The following DGKI variants were observed in gnomAD, a reference collection of about 807,000 sequenced individuals.
DGKI encodes the protein DAG kinase iota.
DGKI carries 55 observed loss-of-function variants against 147.5 expected under a neutral mutation model. The ratio of observed to expected loss-of-function variants is 0.37; its 90% CI spans 0.30 to 0.47. The LOEUF (loss-of-function observed/expected upper bound fraction) is 0.47, where lower values mean the gene tolerates loss of function less well. DGKI is among the 20% of genes least tolerant of loss of function. The pLI is 1.00. For synonymous variants in DGKI, 469 were observed against 477.1 expected, an observed-to-expected ratio of 0.98 and a Z score of 0.22; for missense variants, 1,007 against 1,323.8, an observed-to-expected ratio of 0.76 and a Z score of 3.71.
At chr7:137,671,893 AC>A (rs1221177967) in intron 3 of DGKI, among the ~76,000 whole-genome samples, 5 of 152,242 alleles carry the variant, frequency 3.3e-5, no homozygotes, top group Admixed American at 2.0e-4. Flanking sequence ...AAATACAAGA[AC>A]AAAACAATAA....
chr7:137,541,993 C>A (rs1033992238), intron 20 of DGKI, among the ~76,000 whole-genome samples: 2 of 151,964 alleles, frequency 1.3e-5, no homozygotes, highest in Admixed American at 6.6e-5. Flanking sequence ...GTCTGCAAAG[C>A]ACACAAAGGC....
intron 8 of DGKI, among the ~76,000 whole-genome samples, chr7:137,614,828 T>C (rs919049788): frequency 3.9e-5 from 6 of 152,106 alleles, no homozygotes; most frequent in Non-Finnish European, 5.9e-5. Context: ...TAGATTTCCT[T>C]TACTCCTCCT....
intron 27 of DGKI, among the ~76,000 whole-genome samples, chr7:137,460,392 C>A (rs79078480): frequency 0.024 from 3,590 of 152,188 alleles, 57 homozygotes; most frequent in Non-Finnish European, 0.033. Context: ...TATTCTATAT[C>A]AAAAATTATT....
intron 8 of DGKI, among the ~76,000 whole-genome samples, chr7:137,615,949 C>T (rs1198364153): frequency 1.3e-5 from 2 of 152,144 alleles, no homozygotes; most frequent in Non-Finnish European, 2.9e-5. Context: ...CTCTTAACCA[C>T]TGCTGCATTG....
At chr7:137,692,423 A>G (rs1425022933) in intron 1 of DGKI, among the ~76,000 whole-genome samples, 3 of 152,232 alleles carry the variant, frequency 2.0e-5, no homozygotes, top group African/African-American at 7.2e-5. Context: ...TAATGAGAAA[A>G]ACACAGATCT....
At chr7:137,431,798 G>A (rs1813082662) in intron 28 of DGKI, among the ~76,000 whole-genome samples, 1 of 152,196 alleles carries the variant, frequency 6.6e-6, no homozygotes, top group African/African-American at 2.4e-5. Context: ...ACCCAGGCCT[G>A]ATGCAAGTGA....
chr7:137,718,222 C>G (rs1794440110), intron 1 of DGKI, among the ~76,000 whole-genome samples: 1 of 152,128 alleles, frequency 6.6e-6, no homozygotes, highest in Admixed American at 6.5e-5. Context: ...AAAAGCAAAC[C>G]CTAGGCAGTA....
intron 27 of DGKI, among the ~76,000 whole-genome samples, chr7:137,448,149 TTTGAGCC>T (rs1173086909): frequency 2.0e-5 from 3 of 152,178 alleles, no homozygotes; most frequent in Non-Finnish European, 4.4e-5. Flanking sequence ...AGCCTTCCAC[TTTGAGCC>T]AGGGTGTTCT....
At chr7:137,667,564 G>C (rs1179195999) in intron 3 of DGKI, among the ~76,000 whole-genome samples, 1 of 152,020 alleles carries the variant, frequency 6.6e-6, no homozygotes, top group African/African-American at 2.4e-5. Flanking sequence ...TCCATTATCA[G>C]TTTACTTTGT....
At chr7:137,825,070 T>G (rs1322204908) in intron 1 of DGKI, among the ~76,000 whole-genome samples, 1 of 152,234 alleles carries the variant, frequency 6.6e-6, no homozygotes, top group Non-Finnish European at 1.5e-5. Flanking sequence ...TCTGAGTATA[T>G]GCCCAGTAAT....
At chr7:137,831,742 A>C (rs911524714) in intron 1 of DGKI, among the ~76,000 whole-genome samples, 1 of 152,146 alleles carries the variant, frequency 6.6e-6, no homozygotes, top group Non-Finnish European at 1.5e-5. Context: ...AGTCCCTCCA[A>C]AGTCTGAACT....
At chr7:137,571,861 G>T (rs959023447) in intron 18 of DGKI, among the ~76,000 whole-genome samples, 4 of 152,010 alleles carry the variant, frequency 2.6e-5, no homozygotes, top group Non-Finnish European at 4.4e-5. Flanking sequence ...AAAGACAGAA[G>T]AAGGACAAGA....
chr7:137,608,831 A>G, intron 10 of DGKI, 135 bp downstream of exon 10: 1 of 690,956 alleles, frequency 1.4e-6, no homozygotes, highest in Non-Finnish European at 2.5e-6. Flanking sequence ...TCAGAGAAAC[A>G]ATAACCTTGT....
chr7:137,477,321 T>C (rs1433236361), intron 23 of DGKI, among the ~76,000 whole-genome samples: 5 of 152,236 alleles, frequency 3.3e-5, no homozygotes, highest in Non-Finnish European at 5.9e-5. Context: ...GTATGCATTA[T>C]GTAACTTATA....
intron 27 of DGKI, among the ~76,000 whole-genome samples, chr7:137,450,388 T>A (rs1362750300): frequency 6.7e-6 from 1 of 149,704 alleles, no homozygotes; most frequent in East Asian, 1.9e-4. Context: ...ATACAACACA[T>A]AATAATTTTA....
chr7:137,447,062 A>T (rs1374908162), intron 27 of DGKI, among the ~76,000 whole-genome samples: 4 of 152,208 alleles, frequency 2.6e-5, no homozygotes, highest in Admixed American at 2.6e-4. Flanking sequence ...TGAGTCCTTT[A>T]GCTACAGAAT....
rs191274550 is a variant in DGKI at position 137,451,657 on chromosome 7, G to A, written c.2736-7555C>T. 1.6e-3 allele frequency among the ~76,000 whole-genome samples: 247 copies of A among 152,310 alleles called. 1 individual carries two copies. Among genetic ancestry groups the A allele is most frequent in the African/African-American group, 5.9e-3 (245 of 41,576 alleles). On this transcript the variant is annotated intron_variant, in intron 27 of 32. Coordinates refer to ENST00000614521, the MANE Select transcript of DGKI (RefSeq NM_001321708.2). ...GTTTTTAGTCAATAAACCTGGAAAT[G>A]AAATAATGGGTGTCACGACTATTTC... is the stretch of plus-strand genomic sequence containing the variant.
chr7:137,701,602 TA>T, intron 1 of DGKI, among the ~76,000 whole-genome samples: 1 of 152,078 alleles, frequency 6.6e-6, no homozygotes, highest in East Asian at 1.9e-4. Flanking sequence ...ACAATAGCAC[TA>T]AAAAACATGC....
chr7:137,777,136 G>T (rs1796385311), intron 1 of DGKI, among the ~76,000 whole-genome samples: 1 of 152,108 alleles, frequency 6.6e-6, no homozygotes, highest in African/African-American at 2.4e-5. Flanking sequence ...AGGCTGCAGT[G>T]AATTATGATC....
Sources: gnomAD v4.1 joint callset for allele counts (sites outside exome capture counted in the v4.1 genomes callset) on GRCh38, gnomAD v4.1.1 for gene constraint, MANE v1.5 for transcripts, NCBI Gene and HGNC (gene_info 2026-07-23, HGNC 2026-07-21) for gene names.